TMEM181: variants seen among roughly 807,000 people sequenced by gnomAD.
TMEM181 encodes G protein-coupled receptor 178.
In TMEM181, 39 loss-of-function variants were observed where a neutral mutation model predicts 71.9. That is an observed-to-expected ratio of 0.54 (90% confidence interval 0.42 to 0.71). TMEM181 has a LOEUF of 0.71. TMEM181 is among the 30% of genes least tolerant of loss of function. The pLI is 0.00. For missense variants in TMEM181, 595 were observed against 583.0 expected (o/e 1.02, Z -0.21); for synonymous variants, 245 against 228.8 (o/e 1.07, Z -0.64).
At chr6:158,537,326 C>T (rs1322460055) in intron 1 of TMEM181, among the ~76,000 whole-genome samples, 6 of 152,096 alleles carry the variant, frequency 3.9e-5, no homozygotes, top group African/African-American at 7.2e-5. Flanking sequence ...CTCTGAGCGC[C>T]CTAGGCTTTG....
chr6:158,630,140 T>G (rs1367136601), intron 15 of TMEM181, among the ~76,000 whole-genome samples: 1 of 152,182 alleles, frequency 6.6e-6, no homozygotes, highest in Non-Finnish European at 1.5e-5. Flanking sequence ...AAATCACACT[T>G]TGAATACCCA....
At chr6:158,615,675 A>C (rs1785572983) in intron 10 of TMEM181, among the ~76,000 whole-genome samples, 1 of 152,226 alleles carries the variant, frequency 6.6e-6, no homozygotes, top group Non-Finnish European at 1.5e-5. Context: ...GGTGTAAGGA[A>C]GAGATCCCAT....
chr6:158,577,527 A>T (rs528090039), intron 2 of TMEM181, among the ~76,000 whole-genome samples: 52 of 152,338 alleles, frequency 3.4e-4, no homozygotes, highest in Non-Finnish European at 5.6e-4. Context: ...TGGGTCAGAG[A>T]ATATTTCAAG....
At chr6:158,577,115 G>A (rs1230980186) in intron 2 of TMEM181, among the ~76,000 whole-genome samples, 15 of 148,466 alleles carry the variant, frequency 1.0e-4, no homozygotes, top group East Asian at 5.9e-4. Flanking sequence ...ATGACCCATC[G>A]AAGGGAAAAA....
In TMEM181 at chr6:158,634,884, A is replaced by T. The variant is rs1419343545; in HGVS notation, c.*2996A>T. The T allele has an allele frequency of 1.3e-5, 2 of 152,212 alleles. No homozygotes were observed. Among genetic ancestry groups the T allele is most frequent in the Admixed American group, 6.5e-5 (1 of 15,276 alleles). The allele number at this position is 152,212 out of a possible 1,614,324, so 9.4% of individuals were successfully genotyped here. A position where few individuals can be genotyped will look rare whatever the true frequency, so the allele number is the denominator to read the frequency against. ...AATTATTTCCTGAATCCTTTATCAC[A>T]GGAAAAACACAGACCCTCATAAAAG... On this transcript the variant is annotated 3_prime_UTR_variant, in exon 17 of 17. Coordinates refer to ENST00000684151, the MANE Select transcript of TMEM181 (RefSeq NM_001376852.1).
chr6:158,541,331 C>T (rs962741225), intron 1 of TMEM181, among the ~76,000 whole-genome samples: 5 of 152,112 alleles, frequency 3.3e-5, no homozygotes, highest in East Asian at 1.9e-4. Flanking sequence ...GCAGGAGAAT[C>T]GCTTGAACCA....
chr6:158,576,637 C>T (rs888653556), intron 2 of TMEM181, among the ~76,000 whole-genome samples: 10 of 152,082 alleles, frequency 6.6e-5, no homozygotes, highest in African/African-American at 2.2e-4. Context: ...CAGGCTGATC[C>T]TTTGCACAGA....
intron 2 of TMEM181, among the ~76,000 whole-genome samples, chr6:158,574,784 C>T (rs1393830256): frequency 6.6e-6 from 1 of 152,182 alleles, no homozygotes; most frequent in East Asian, 1.9e-4. Context: ...TCTGTCCTGC[C>T]TGTCTGTCTA....
In TMEM181 at chr6:158,634,674, A is replaced by G. The variant is rs1319422930; in HGVS notation, c.*2786A>G. 4.6e-5 allele frequency: 7 copies of G among 152,326 alleles called. 1 individual carries two copies. The highest frequency in any genetic ancestry group is 7.2e-5 in the African/African-American group (3 of 41,576). The allele number at this position is 152,326 out of a possible 1,614,324, so 9.4% of individuals were successfully genotyped here. A position where few individuals can be genotyped will look rare whatever the true frequency, so the allele number is the denominator to read the frequency against. On this transcript the variant is annotated 3_prime_UTR_variant, in exon 17 of 17. Transcript: ENST00000684151. ...TTTGAAAGGCTAGAGAAGGGGATATATATACTATGTTCAAGGTTTGTAAGG... is the reference window on the plus strand; with the variant it reads ...TTTGAAAGGCTAGAGAAGGGGATATGTATACTATGTTCAAGGTTTGTAAGG...
chr6:158,608,298 G>T, intron 8 of TMEM181, 35 bp from the exon 9 acceptor site: 1 of 1,613,474 alleles, frequency 6.2e-7, no homozygotes, highest in Non-Finnish European at 8.5e-7. Flanking sequence ...TGGCGGGCCT[G>T]TTTTCCACAT....
At chr6:158,610,122 C>T (rs577331617) in intron 10 of TMEM181, 5 of 221,688 alleles carry the variant, frequency 2.3e-5, no homozygotes, top group East Asian at 1.1e-4. Flanking sequence ...TCTCTAGAGA[C>T]GCAGCCAGCT....
At chr6:158,580,052 A>G (rs1783386321) in intron 2 of TMEM181, among the ~76,000 whole-genome samples, 1 of 151,980 alleles carries the variant, frequency 6.6e-6, no homozygotes, top group African/African-American at 2.4e-5. Flanking sequence ...TAAGACGGGC[A>G]TGGCGCAGTG....
chr6:158,560,106 GGCCGCTGCTCA>G lies in TMEM181; in HGVS notation c.-111_-101del, dbSNP rs1475845814. The stretch of plus-strand genomic sequence containing the variant: ...GCGCTCTGATGAGTTTTCCGCGGCC[GGCCGCTGCTCA>G]GCCGCTGTCGCTCCGGCTCCGGCTG... On this transcript the variant is annotated 5_prime_UTR_variant, in exon 1 of 17. Coordinates refer to ENST00000684151, the MANE Select transcript of TMEM181 (RefSeq NM_001376852.1). The G allele has an allele frequency of 1.0e-6, 1 of 984,892 alleles. No homozygotes were observed. Among genetic ancestry groups the G allele is most frequent in the Non-Finnish European group, 1.2e-6 (1 of 829,800 alleles). 61.0% of individuals were successfully genotyped at this position (984,892 alleles called of 1,614,324 possible).
At chr6:158,617,804 A>G (rs969389590) in intron 10 of TMEM181, among the ~76,000 whole-genome samples, 1 of 152,192 alleles carries the variant, frequency 6.6e-6, no homozygotes, top group African/African-American at 2.4e-5. Flanking sequence ...GAGTTTCTTA[A>G]TCCTGAGTTC....
At chr6:158,548,917 T>C (rs1043532396) in intron 1 of TMEM181, among the ~76,000 whole-genome samples, 4 of 152,228 alleles carry the variant, frequency 2.6e-5, no homozygotes, top group African/African-American at 9.6e-5. Flanking sequence ...GTTGGGAGGC[T>C]GGTGCCTCCT....
intron 6 of TMEM181, among the ~76,000 whole-genome samples, chr6:158,596,594 C>G (rs1220487813): frequency 6.6e-6 from 1 of 152,170 alleles, no homozygotes; most frequent in African/African-American, 2.4e-5. Context: ...CAATCAAATT[C>G]AGGGTAAAAA....
intron 2 of TMEM181, among the ~76,000 whole-genome samples, chr6:158,573,838 C>CA (rs1333546710): frequency 2.0e-5 from 3 of 151,968 alleles, no homozygotes; most frequent in African/African-American, 7.3e-5. Context: ...CAGCTGGGCG[C>CA]TGGTGTGTCC....
intron 10 of TMEM181, among the ~76,000 whole-genome samples, chr6:158,622,394 T>C (rs1786016319): frequency 6.6e-6 from 1 of 152,124 alleles, no homozygotes; most frequent in African/African-American, 2.4e-5. Flanking sequence ...GCTCCTGAGC[T>C]TCCTGTGATA....
intron 10 of TMEM181, among the ~76,000 whole-genome samples, chr6:158,613,481 T>TG (rs1475548976): frequency 6.6e-6 from 1 of 152,194 alleles, no homozygotes; most frequent in African/African-American, 2.4e-5. Flanking sequence ...ACCTATGAGT[T>TG]GGGTGAATTC....
Sources: gnomAD v4.1 joint callset for allele counts (sites outside exome capture counted in the v4.1 genomes callset) on GRCh38, gnomAD v4.1.1 for gene constraint, MANE v1.5 for transcripts, NCBI Gene and HGNC (gene_info 2026-07-23, HGNC 2026-07-21) for gene names.